The following IL31 variants were observed in gnomAD, a reference collection of about 807,000 sequenced individuals.
The protein encoded by IL31 is interleukin 31, also known as interleukin-31.
Under a neutral mutation model 7.8 loss-of-function variants are expected in IL31, and 8 were observed. The observed-to-expected ratio is 1.02, with a 90% CI of 0.60 to 1.84. The LOEUF (loss-of-function observed/expected upper bound fraction) is 1.84, where lower values mean the gene tolerates loss of function less well. IL31 is among the 40% of genes most tolerant of loss of function. The pLI, the probability that IL31 is intolerant of heterozygous loss-of-function variation, is 0.00. For missense variants in IL31, 162 were observed against 205.6 expected (o/e 0.79, Z 1.30); for synonymous variants, 87 against 86.5 (o/e 1.01, Z -0.03).
Position 122,172,496 on chromosome 12 carries a change from G to A in IL31, c.411C>T (p.Ile137=). Residue 137 remains isoleucine (I), a synonymous_variant, in exon 3 of 3, where the codon ATC becomes ATT. Coordinates refer to ENST00000377035, the MANE Select transcript of IL31 (RefSeq NM_001014336.2). The stretch of plus-strand genomic sequence containing the variant: ...CTGAAAACTGTTGAGAAATAGTCAG[G>A]ATGAAGCGTTTACATTCATGGGTGT... The part of the protein sequence containing the change: ...PTDTHECKRF[I]LTISQQFSEC... 6.2e-7 allele frequency: 1 copy of A among 1,614,166 alleles called. No homozygotes were observed. The highest frequency in any genetic ancestry group is 1.6e-4 in the Middle Eastern group (1 of 6,062).
At chr12:122,173,185 C>T (rs1953504799) in intron 2 of IL31, among the ~76,000 whole-genome samples, 1 of 152,090 alleles carries the variant, frequency 6.6e-6, no homozygotes, top group Admixed American at 6.6e-5. Context: ...GGACCACTCC[C>T]TCCCTTCCTC....
At chr12:122,174,122 G>A (rs1283462491) in intron 1 of IL31, 35 bp downstream of exon 1, 2 of 1,614,070 alleles carry the variant, frequency 1.2e-6, no homozygotes, top group Non-Finnish European at 1.7e-6. Flanking sequence ...ATAAGATGAT[G>A]CCCAAGACTC....
chr12:122,172,860 G>T, intron 2 of IL31, 119 bp from the exon 3 acceptor site: 1 of 790,132 alleles, frequency 1.3e-6, no homozygotes, highest in Non-Finnish European at 2.0e-6. Flanking sequence ...TCTGATCAAT[G>T]TCACAACCCT....
chr12:122,172,490 A>C lies in IL31; in HGVS notation c.417T>G (p.Thr139=), dbSNP rs750146118. The C allele has an allele frequency of 4.6e-5, 74 of 1,614,012 alleles. No homozygotes were observed. The highest frequency in any genetic ancestry group is 6.2e-5 in the Non-Finnish European group (73 of 1,179,984). The part of the protein sequence containing the change: ...DTHECKRFIL[T]ISQQFSECMD... ...TGCACTCTGAAAACTGTTGAGAAAT[A>C]GTCAGGATGAAGCGTTTACATTCAT... Residue 139 remains threonine (T), a synonymous_variant, in exon 3 of 3, where the codon ACT becomes ACG. Coordinates refer to ENST00000377035, the MANE Select transcript of IL31 (RefSeq NM_001014336.2).
chr12:122,172,479 TG>T lies in IL31; in HGVS notation c.427del (p.Gln143SerfsTer10), dbSNP rs1336042258. The T allele has an allele frequency of 6.8e-6, 11 of 1,614,054 alleles. No individual in the cohort carries two copies. The highest frequency in any genetic ancestry group is 9.3e-6 in the Non-Finnish European group (11 of 1,180,036). ...CKRFILTISQ[Q>X]FSECMDLALK... Reference sequence around the variant, plus strand: ...TGCGAGGTCCATGCACTCTGAAAACTGTTGAGAAATAGTCAGGATGAAGCGT... The same window carrying T: ...TGCGAGGTCCATGCACTCTGAAAACTTTGAGAAATAGTCAGGATGAAGCGT... On this transcript the variant is annotated frameshift_variant, in exon 3 of 3. Coordinates refer to ENST00000377035, the MANE Select transcript of IL31 (RefSeq NM_001014336.2). LOFTEE classifies it low-confidence loss of function (END_TRUNC).
At chr12:122,172,799 A>T in intron 2 of IL31, 58 bp from the exon 3 acceptor site, 3 of 1,343,940 alleles carry the variant, frequency 2.2e-6, no homozygotes, top group Non-Finnish European at 3.1e-6. Flanking sequence ...GCAAGTCTTA[A>T]CAGTGAATGT....
intron 2 of IL31, 84 bp from the exon 3 acceptor site, chr12:122,172,825 G>A (rs533673787): frequency 1.1e-4 from 115 of 1,055,936 alleles, no homozygotes; most frequent in South Asian, 9.5e-4. Context: ...TGCTTCCTCC[G>A]TAACCCGCCT....
Position 122,172,757 on chromosome 12 carries a change from A to G in IL31, c.166-16T>C, listed in dbSNP as rs1307404866. On this transcript the variant is annotated splice_polypyrimidine_tract_variant and intron_variant, in intron 2 of 2. Transcript: ENST00000377035. ...CTTCCTCCACCTGTGGAATGAGGAGAAATGGTCAGTGTTGGGTTTGCAATG... is the reference window on the plus strand; with the variant it reads ...CTTCCTCCACCTGTGGAATGAGGAGGAATGGTCAGTGTTGGGTTTGCAATG... 3 of 1,585,516 alleles carry G rather than the reference A, an allele frequency of 1.9e-6. No individual in the cohort carries two copies. The highest frequency in any genetic ancestry group is 8.6e-7 in the Non-Finnish European group (1 of 1,163,566).
intron 2 of IL31, 138 bp from the exon 3 acceptor site, chr12:122,172,879 G>A: frequency 1.4e-6 from 1 of 707,246 alleles, no homozygotes; most frequent in Non-Finnish European, 2.3e-6. Flanking sequence ...CTATGAGGCT[G>A]TGCCATCACC....
chr12:122,172,803 T>A, intron 2 of IL31, 62 bp from the exon 3 acceptor site: 1 of 1,308,328 alleles, frequency 7.6e-7, no homozygotes, highest in Non-Finnish European at 1.1e-6. Flanking sequence ...GTCTTAACAG[T>A]GAATGTTTGC....
chr12:122,172,421 G>T lies in IL31; in HGVS notation c.486C>A (p.Ala162=). 1.2e-6 allele frequency: 2 copies of T among 1,611,642 alleles called. No homozygotes were observed. ...AAAGGAAGAGATGGCCTTAAGTGGT[G>T]GCCTGTTGGGCTCCAGAGGTCAATG... ...LKSLTSGAQQ[A]TT Residue 162 remains alanine (A), a synonymous_variant, in exon 3 of 3, where the codon GCC becomes GCA. Coordinates refer to ENST00000377035, the MANE Select transcript of IL31 (RefSeq NM_001014336.2).
chr12:122,173,125 A>G (rs974648198), intron 2 of IL31, among the ~76,000 whole-genome samples: 1 of 152,086 alleles, frequency 6.6e-6, no homozygotes, highest in African/African-American at 2.4e-5. Flanking sequence ...CTTGTCCGGA[A>G]AGGCCTCCGA....
In IL31 at chr12:122,172,550, T is replaced by C. The variant is rs531421236; in HGVS notation, c.357A>G (p.Ala119=). Residue 119 remains alanine (A), a synonymous_variant, in exon 3 of 3, where the codon GCA becomes GCG. Transcript: ENST00000377035. ...TTGGCACAGAAATGTTTGTTTCTGG[T>C]GCATCTTGAAATATGAGTTTGTCGA... ...EHLDKLIFQD[A]PETNISVPTD... is the part of the protein sequence containing the mutation. 2 of 1,614,212 alleles carry C rather than the reference T, an allele frequency of 1.2e-6. No individual in the cohort carries two copies. Among genetic ancestry groups the C allele is most frequent in the African/African-American group, 2.7e-5 (2 of 75,060 alleles).
Position 122,172,725 on chromosome 12 carries a change from C to T in IL31, c.182G>A (p.Gly61Asp), listed in dbSNP as rs770240350. 1.2e-5 allele frequency: 20 copies of T among 1,609,714 alleles called. No homozygotes were observed. Among genetic ancestry groups the T allele is most frequent in the Non-Finnish European group, 1.6e-5 (19 of 1,177,960 alleles). The change falls in exon 3 of 3, where the codon GGC becomes GAC. Residue 61 changes from glycine (G) to aspartate (D), a missense_variant. Coordinates refer to ENST00000377035, the MANE Select transcript of IL31 (RefSeq NM_001014336.2). ...MLLKDVEEEK[G>D]VLVSQNYTLP... ...CGTGTAATTCTGGGACACGAGCACG[C>T]CCTTCTCTTCCTCCACCTGTGGAAT...
intron 1 of IL31, 40 bp downstream of exon 1, chr12:122,174,117 A>G (rs773234213): frequency 1.1e-5 from 17 of 1,614,088 alleles, no homozygotes; most frequent in Non-Finnish European, 1.3e-5. Flanking sequence ...GTGAGATAAG[A>G]TGATGCCCAA....
chr12:122,173,822 A>G, intron 2 of IL31, 22 bp downstream of exon 2: 1 of 1,607,358 alleles, frequency 6.2e-7, no homozygotes, highest in Non-Finnish European at 8.5e-7. Flanking sequence ...TCGTTTAGAA[A>G]AGAAATCTCT....
At position 122,172,395 on chromosome 12, in the gene IL31, G is replaced by A. The variant is rs200227878; in HGVS notation, c.*17C>T. On this transcript the variant is annotated 3_prime_UTR_variant, in exon 3 of 3. Transcript: ENST00000377035. ...AGGCTCCTTAAGTTCCTGCCAATCC[G>A]AAAGGAAGAGATGGCCTTAAGTGGT... 1.5e-4 allele frequency: 232 copies of A among 1,583,988 alleles called. No individual in the cohort carries two copies. In the East Asian group the frequency reaches 3.5e-3, roughly 24 times the overall value.
Position 122,173,184 on chromosome 12 carries a change from C to T in IL31, c.166-443G>A, listed in dbSNP as rs577982395. ...ACAAACCAAGGAGTCCGGACCACTC[C>T]CTCCCTTCCTCTTTCTAAGTACTAA... is the stretch of plus-strand genomic sequence containing the variant. On this transcript the variant is annotated intron_variant, in intron 2 of 2. Coordinates refer to ENST00000377035, the MANE Select transcript of IL31 (RefSeq NM_001014336.2). 1.8e-3 allele frequency among the ~76,000 whole-genome samples: 270 copies of T among 152,126 alleles called. 1 individual carries two copies. The highest frequency in any genetic ancestry group is 3.0e-3 in the Non-Finnish European group (202 of 67,996).
intron 2 of IL31, 144 bp downstream of exon 2, chr12:122,173,700 C>T (rs1236116365): frequency 7.7e-6 from 5 of 646,214 alleles, no homozygotes; most frequent in Middle Eastern, 2.9e-4. Flanking sequence ...AAAAAAAAAG[C>T]CATCTTTGCC....
Sources: gnomAD v4.1 joint callset for allele counts (sites outside exome capture counted in the v4.1 genomes callset) on GRCh38, gnomAD v4.1.1 for gene constraint, MANE v1.5 for transcripts, NCBI Gene and HGNC (gene_info 2026-07-23, HGNC 2026-07-21) for gene names.